WNT5A: variants seen among roughly 807,000 people sequenced by gnomAD.
WNT5A encodes protein Wnt-5a.
A neutral mutation model predicts 42.1 loss-of-function variants in WNT5A; 9 were observed. The observed-to-expected ratio is 0.21, with a 90% CI of 0.13 to 0.37. The LOEUF (loss-of-function observed/expected upper bound fraction) is 0.37, where lower values mean the gene tolerates loss of function less well. Among genes scored for constraint, WNT5A ranks in the 10% least tolerant of loss-of-function variants. The pLI, the probability that WNT5A is intolerant of heterozygous loss-of-function variation, is 1.00. For missense variants in WNT5A, 426 were observed against 534.0 expected (o/e 0.80, Z 1.99); for synonymous variants, 210 against 210.0 (o/e 1.00, Z 0.00).
rs760960120 is a variant in WNT5A at position 55,470,077 on chromosome 3, G to A, written c.*15C>T. ...GCGGGTCCTGGGAGCGGGGCTGAGT[G>A]CTGGGTGGCACCCACTACTTGCACA... On this transcript the variant is annotated 3_prime_UTR_variant, in exon 5 of 5. Transcript: ENST00000264634. The A allele has an allele frequency of 1.9e-6, 3 of 1,613,792 alleles. No homozygotes were observed. The highest frequency in any genetic ancestry group is 2.5e-6 in the Non-Finnish European group (3 of 1,179,820).
rs1265680416 is a variant in WNT5A at position 55,468,160 on chromosome 3, A to G, written c.*1932T>C. ...TATTAAAAAAAAAAAAAAAAAAGCTATCTATGTAGTGGGCTGAATATTCCT... is the reference window on the plus strand; with the variant it reads ...TATTAAAAAAAAAAAAAAAAAAGCTGTCTATGTAGTGGGCTGAATATTCCT... On this transcript the variant is annotated 3_prime_UTR_variant, in exon 5 of 5. Coordinates refer to ENST00000264634, the MANE Select transcript of WNT5A (RefSeq NM_003392.7). 6.8e-6 allele frequency: 1 copy of G among 148,064 alleles called. No individual in the cohort carries two copies. The highest frequency in any genetic ancestry group is 1.5e-5 in the Non-Finnish European group (1 of 66,882). The allele number at this position is 148,064 out of a possible 1,614,324, so 9.2% of individuals were successfully genotyped here.
the WNT5A span, among the ~76,000 whole-genome samples, chr3:55,499,833 C>T: frequency 1.3e-5 from 2 of 151,814 alleles, no homozygotes; most frequent in African/African-American, 4.8e-5. Context: ...AAATTAGCTG[C>T]ACTTGGTGGC....
chr3:55,477,224 G>A (rs923165734), intron 3 of WNT5A, among the ~76,000 whole-genome samples: 1 of 152,162 alleles, frequency 6.6e-6, no homozygotes, highest in African/African-American at 2.4e-5. Flanking sequence ...CTCTTAAGTG[G>A]AAAAGTGAAA....
chr3:55,467,935 T>C lies in WNT5A; in HGVS notation c.*2157A>G, dbSNP rs1387927919. On this transcript the variant is annotated 3_prime_UTR_variant, in exon 5 of 5. Transcript: ENST00000264634. ...TAATTAGTGCTTTTTGCTTTCAAGATCTTTTGCTCACAATTCACTGCAACT... is the reference window on the plus strand; with the variant it reads ...TAATTAGTGCTTTTTGCTTTCAAGACCTTTTGCTCACAATTCACTGCAACT... The C allele has an allele frequency of 6.6e-6, 1 of 152,174 alleles. No individual in the cohort carries two copies. Among genetic ancestry groups the C allele is most frequent in the Admixed American group, 6.5e-5 (1 of 15,276 alleles). The allele number at this position is 152,174 out of a possible 1,614,324, so 9.4% of individuals were successfully genotyped here.
chr3:55,495,964 C>A, the WNT5A span, among the ~76,000 whole-genome samples: 1 of 152,150 alleles, frequency 6.6e-6, no homozygotes, highest in East Asian at 1.9e-4. Context: ...CACAAAACAT[C>A]CAGGAAGCTG....
chr3:55,503,736 A>C, the WNT5A span, among the ~76,000 whole-genome samples: 1 of 152,216 alleles, frequency 6.6e-6, no homozygotes. Context: ...GGATAGCTTG[A>C]GGCCAGGAGT....
chr3:55,476,563 C>T (rs1042688144), intron 3 of WNT5A, among the ~76,000 whole-genome samples: 13 of 152,132 alleles, frequency 8.5e-5, no homozygotes, highest in Admixed American at 1.3e-4. Flanking sequence ...AAGACACTGT[C>T]CTTTGAGTAT....
chr3:55,472,541 C>T (rs2051272787), intron 4 of WNT5A, among the ~76,000 whole-genome samples: 1 of 151,340 alleles, frequency 6.6e-6, no homozygotes, highest in African/African-American at 2.4e-5. Flanking sequence ...GCTGACCCCA[C>T]CCCCCCCAAA....
At chr3:55,495,859 G>A in the WNT5A span, among the ~76,000 whole-genome samples, 7 of 152,096 alleles carry the variant, frequency 4.6e-5, no homozygotes, top group Non-Finnish European at 1.0e-4. Flanking sequence ...GAGAAAAATG[G>A]CAAGAGAGCT....
the WNT5A span, among the ~76,000 whole-genome samples, chr3:55,498,637 T>C: frequency 6.6e-6 from 1 of 152,186 alleles, no homozygotes; most frequent in African/African-American, 2.4e-5. Context: ...AGGACTCACC[T>C]ATACTCTCCT....
At chr3:55,482,830 G>A (rs776255427) in intron 1 of WNT5A, among the ~76,000 whole-genome samples, 18 of 151,984 alleles carry the variant, frequency 1.2e-4, no homozygotes, top group Non-Finnish European at 2.5e-4. Context: ...TCTGCTTCTC[G>A]CGCAGCCCAG....
At position 55,483,432 on chromosome 3, in the gene WNT5A, T is replaced by TA. The variant is rs2051508595; in HGVS notation, c.7-2515dup. Reference sequence around the variant, plus strand: ...TCACACATACATCGGCTCTGTAGGGTAAAACATCCCCGCCTGTTTACCAAG... The same window carrying TA: ...TCACACATACATCGGCTCTGTAGGGTAAAAACATCCCCGCCTGTTTACCAAG... On this transcript the variant is annotated intron_variant, in intron 1 of 4. Transcript: ENST00000264634. This position sits in a 1 kb window ranked among gnomAD's most constrained non-coding sequence, Gnocchi z 4.2. 6.6e-6 allele frequency among the ~76,000 whole-genome samples: 1 copy of TA among 151,888 alleles called. No homozygotes were observed. The highest frequency in any genetic ancestry group is 1.5e-5 in the Non-Finnish European group (1 of 67,980).
chr3:55,500,599 A>T, the WNT5A span, among the ~76,000 whole-genome samples: 1 of 152,388 alleles, frequency 6.6e-6, no homozygotes. Flanking sequence ...CTACTCAGCC[A>T]GGAAGTGGCA....
upstream of WNT5A, chr3:55,488,451 T>C (rs960500296): frequency 6.7e-6 from 1 of 149,172 alleles, no homozygotes; most frequent in Non-Finnish European, 1.5e-5. Context: ...AAGAAAAAAG[T>C]TCTTTAAAGT....
chr3:55,478,133 T>C (rs143237639), intron 3 of WNT5A, among the ~76,000 whole-genome samples: 148 of 152,306 alleles, frequency 9.7e-4, no homozygotes, highest in African/African-American at 3.4e-3. Context: ...ATTTTAATCA[T>C]TAACAGAAAG....
At chr3:55,481,424 A>C (rs2051460235) in intron 1 of WNT5A, 1 of 968,278 alleles carries the variant, frequency 1.0e-6, no homozygotes. Flanking sequence ...GCTGCCAAGG[A>C]GGCGGGGTGG....
At chr3:55,477,837 G>T (rs2051385544) in intron 3 of WNT5A, among the ~76,000 whole-genome samples, 1 of 152,046 alleles carries the variant, frequency 6.6e-6, no homozygotes, top group African/African-American at 2.4e-5. Context: ...TTTCCTTCCT[G>T]GTTACCATCA....
intron 4 of WNT5A, among the ~76,000 whole-genome samples, chr3:55,471,084 T>C (rs1045191931): frequency 1.3e-5 from 2 of 152,208 alleles, no homozygotes; most frequent in Non-Finnish European, 2.9e-5. Context: ...AGCCGGTAAG[T>C]GCAGAATTGG....
At chr3:55,472,845 G>A (rs528621034) in intron 4 of WNT5A, among the ~76,000 whole-genome samples, 9 of 152,136 alleles carry the variant, frequency 5.9e-5, no homozygotes, top group South Asian at 4.2e-4. Flanking sequence ...TACTACTGGC[G>A]GACACTAAAC....
Sources: gnomAD v4.1 joint callset for allele counts (sites outside exome capture counted in the v4.1 genomes callset) on GRCh38, gnomAD v4.1.1 for gene constraint, Gnocchi (gnomAD v3.1) non-coding constraint, MANE v1.5 for transcripts, NCBI Gene and HGNC (gene_info 2026-07-23, HGNC 2026-07-21) for gene names.